The following ABHD5 variants were observed in gnomAD, a reference collection of about 807,000 sequenced individuals.
ABHD5 encodes the protein 1-acylglycerol-3-phosphate O-acyltransferase ABHD5.
A neutral mutation model predicts 44.9 loss-of-function variants in ABHD5; 30 were observed. That is an observed-to-expected ratio of 0.67 (90% CI 0.50 to 0.91). ABHD5 has a LOEUF of 0.91. Ranked by LOEUF, ABHD5 falls within the 40% of genes least tolerant of loss-of-function variation. The pLI is 0.00. For synonymous variants in ABHD5, 167 were observed against 147.0 expected (o/e 1.14, Z -0.99); for missense variants, 399 against 423.4 (o/e 0.94, Z 0.50).
intron 6 of ABHD5, 23 bp from the exon 7 acceptor site, chr3:43,718,416 ACTGT>A (rs1353532495): frequency 6.3e-7 from 1 of 1,588,628 alleles, no homozygotes; most frequent in Admixed American, 1.7e-5. Context: ...TTACTCACTA[ACTGT>A]CTGAATGCTT....
chr3:43,722,028 T>C lies in ABHD5; in HGVS notation c.*3496T>C, dbSNP rs2084842779. ...ACAAATCCCTGTGGATGGTATTTGT[T>C]AACTAGCAAAGTTAAATGAGTATAT... On this transcript the variant is annotated 3_prime_UTR_variant, in exon 7 of 7. Transcript: ENST00000644371. 6.6e-6 allele frequency: 1 copy of C among 152,224 alleles called. No individual in the cohort carries two copies. The highest frequency in any genetic ancestry group is 2.1e-4 in the South Asian group (1 of 4,832). The allele number at this position is 152,224 out of a possible 1,614,324, so 9.4% of individuals were successfully genotyped here.
intron 1 of ABHD5, among the ~76,000 whole-genome samples, chr3:43,692,706 A>G (rs2084413005): frequency 6.6e-6 from 1 of 152,156 alleles, no homozygotes; most frequent in African/African-American, 2.4e-5. Flanking sequence ...CTGCCACTGT[A>G]AAGGCTGCTA....
intron 5 of ABHD5, among the ~76,000 whole-genome samples, chr3:43,716,377 T>C (rs999025638): frequency 2.6e-5 from 4 of 152,152 alleles, no homozygotes; most frequent in African/African-American, 9.7e-5. Flanking sequence ...GAGCACACTT[T>C]AAGACAGAGA....
chr3:43,723,472 A>C (rs1225155073), downstream of ABHD5, among the ~76,000 whole-genome samples: 2 of 152,230 alleles, frequency 1.3e-5, no homozygotes, highest in African/African-American at 4.8e-5. Context: ...GCTTAGGTTC[A>C]TAAAATCTGA....
intron 5 of ABHD5, among the ~76,000 whole-genome samples, chr3:43,716,444 TGCAGAGACA>T (rs2084763727): frequency 6.6e-6 from 1 of 152,192 alleles, no homozygotes; most frequent in Non-Finnish European, 1.5e-5. Flanking sequence ...AGAGGCGAGA[TGCAGAGACA>T]GCCTCCCTCT....
At chr3:43,706,738 G>A (rs1200628072) in intron 3 of ABHD5, among the ~76,000 whole-genome samples, 4 of 152,140 alleles carry the variant, frequency 2.6e-5, no homozygotes, top group African/African-American at 7.2e-5. Flanking sequence ...ATGAGACACC[G>A]TGCTCAGCTG....
chr3:43,693,460 C>T (rs2084428103), intron 1 of ABHD5, among the ~76,000 whole-genome samples: 1 of 152,188 alleles, frequency 6.6e-6, no homozygotes, highest in Non-Finnish European at 1.5e-5. Flanking sequence ...GTGGATTTCT[C>T]TATCTAATCT....
rs781167964 is a variant in ABHD5 at position 43,717,908 on chromosome 3, A to G, written c.960+51A>G. ...TTTAGGTATAGGTGAGGTCCGTTTT[A>G]TTATCTCCCTTAAAAGAGGTTTTAG... On this transcript the variant is annotated intron_variant, in intron 6 of 6. Transcript: ENST00000644371. 7 of 1,609,104 alleles carry G rather than the reference A, an allele frequency of 4.4e-6. No individual in the cohort carries two copies. The Admixed American group carries it at 1.0e-4, about 23-fold the overall frequency.
At chr3:43,723,530 G>A (rs1364673239), downstream of ABHD5, among the ~76,000 whole-genome samples, 1 of 152,192 alleles carries the variant, frequency 6.6e-6, no homozygotes, top group Non-Finnish European at 1.5e-5. Flanking sequence ...AATGAGACAT[G>A]CTTCTGTTGT....
chr3:43,717,647 G>A (rs752307149), intron 5 of ABHD5, 24 bp from the exon 6 acceptor site: 48 of 1,612,206 alleles, frequency 3.0e-5, no homozygotes, highest in South Asian at 6.6e-5. Flanking sequence ...ATCATACATC[G>A]TGATTTTCTC....
intron 2 of ABHD5, among the ~76,000 whole-genome samples, chr3:43,700,740 A>ATTTTTTTTTTTTTTTTTTTTTTTTTTTT (rs1361660825): frequency 1.3e-5 from 2 of 151,256 alleles, no homozygotes; most frequent in Non-Finnish European, 2.9e-5. Context: ...TACCCAGCTA[A>ATTTTTTTTTTTTTTTTTTTTTTTTTTTT]TTTTTGTATT....
chr3:43,703,078 C>T (rs2084565524), intron 3 of ABHD5, among the ~76,000 whole-genome samples: 1 of 152,044 alleles, frequency 6.6e-6, no homozygotes, highest in Non-Finnish European at 1.5e-5. Flanking sequence ...TAGCATATAT[C>T]CCAGGGTTTT....
Position 43,719,571 on chromosome 3 carries a change from A to T in ABHD5, c.*1039A>T, listed in dbSNP as rs1363197142. ...CTTGGGTTTGTTGTTGCTGTTGTTTATTAAGAGTATTGTGTTAATTAAATC... is the reference window on the plus strand; with the variant it reads ...CTTGGGTTTGTTGTTGCTGTTGTTTTTTAAGAGTATTGTGTTAATTAAATC... On this transcript the variant is annotated 3_prime_UTR_variant, in exon 7 of 7. Transcript: ENST00000644371. 1.3e-5 allele frequency: 2 copies of T among 152,182 alleles called. No individual in the cohort carries two copies. The highest frequency in any genetic ancestry group is 2.9e-5 in the Non-Finnish European group (2 of 68,024). The allele number at this position is 152,182 out of a possible 1,614,324, so 9.4% of individuals were successfully genotyped here.
chr3:43,699,375 C>A lies in ABHD5; in HGVS notation c.133+14C>A, dbSNP rs1385566037. The A allele has an allele frequency of 6.2e-7, 1 of 1,601,144 alleles. No individual in the cohort carries two copies. The highest frequency in any genetic ancestry group is 1.1e-5 in the South Asian group (1 of 90,718). On this transcript the variant is annotated intron_variant, in intron 2 of 6. Transcript: ENST00000644371. ...AGATGTTAAAATGTAAGGCTTTCTT[C>A]TTGTAAGTTAAATGAGCTGTGTACT...
At chr3:43,728,852 G>T (rs544618513) in intron 7 of ABHD5, among the ~76,000 whole-genome samples, 1 of 152,284 alleles carries the variant, frequency 6.6e-6, no homozygotes, top group East Asian at 1.9e-4. Flanking sequence ...CGTGCTTCCT[G>T]GTTGCCAGAA....
chr3:43,702,102 T>C, intron 2 of ABHD5, 113 bp from the exon 3 acceptor site: 3 of 913,928 alleles, frequency 3.3e-6, no homozygotes, highest in Non-Finnish European at 4.9e-6. Flanking sequence ...CAATACAAGC[T>C]AAAATCATGA....
In ABHD5 at chr3:43,691,046, G is replaced by A; in HGVS notation, c.47+7G>A. ...CTGCCGACACCGGAGAGAGGTAAGC[G>A]CAGCCGGCAGGGGGCTTCGTGTGTC... On this transcript the variant is annotated splice_region_variant and intron_variant, in intron 1 of 6. Coordinates refer to ENST00000644371, the MANE Select transcript of ABHD5 (RefSeq NM_016006.6). 6.4e-7 allele frequency: 1 copy of A among 1,552,236 alleles called. No individual in the cohort carries two copies. The highest frequency in any genetic ancestry group is 8.7e-7 in the Non-Finnish European group (1 of 1,151,070).
At chr3:43,730,327 G>A (rs1259187049) in intron 7 of ABHD5, among the ~76,000 whole-genome samples, 1 of 152,172 alleles carries the variant, frequency 6.6e-6, no homozygotes, top group African/African-American at 2.4e-5. Context: ...CATACCTGGA[G>A]AAGTAATCTG....
rs1333860224 is a variant in ABHD5, at chr3:43,721,108, A to G, written c.*2576A>G. 1 of 152,158 alleles carries G rather than the reference A, an allele frequency of 6.6e-6. No homozygotes were observed. The highest frequency in any genetic ancestry group is 1.5e-5 in the Non-Finnish European group (1 of 68,024). The allele number at this position is 152,158 out of a possible 1,614,324, so 9.4% of individuals were successfully genotyped here. ...AGAAAAGAACAATGTGGAAGGAGGG[A>G]TAACCCTATTAAATATTATAACATA... is the stretch of plus-strand genomic sequence containing the variant. On this transcript the variant is annotated 3_prime_UTR_variant, in exon 7 of 7. Coordinates refer to ENST00000644371, the MANE Select transcript of ABHD5 (RefSeq NM_016006.6).
Sources: gnomAD v4.1 joint callset for allele counts (sites outside exome capture counted in the v4.1 genomes callset) on GRCh38, gnomAD v4.1.1 for gene constraint, MANE v1.5 for transcripts, NCBI Gene and HGNC (gene_info 2026-07-23, HGNC 2026-07-21) for gene names.